CRYL1: variants seen among roughly 807,000 people sequenced by gnomAD.
CRYL1 encodes lambda-crystallin homolog.
CRYL1 carries 29 observed loss-of-function variants against 36.6 expected under a neutral mutation model. The ratio of observed to expected loss-of-function variants is 0.79; its 90% CI spans 0.59 to 1.08. The LOEUF (loss-of-function observed/expected upper bound fraction) is 1.08, where lower values mean the gene tolerates loss of function less well. Ranked by LOEUF, CRYL1 falls within the 50% of genes least tolerant of loss-of-function variation. The pLI is 0.00. For missense variants in CRYL1, 411 were observed against 407.9 expected (o/e 1.01, Z -0.06); for synonymous variants, 152 against 151.5 (o/e 1.00, Z -0.02).
rs937192090 is a variant in CRYL1 at position 20,431,409 on chromosome 13, G to A, written c.633+693C>T. 6.1e-6 allele frequency: 6 copies of A among 985,266 alleles called. No individual in the cohort carries two copies. In the African/African-American group the frequency reaches 1.0e-4, roughly 17 times the overall value. 61.0% of individuals were successfully genotyped at this position (985,266 alleles called of 1,614,324 possible). A position where few individuals can be genotyped will look rare whatever the true frequency, so the allele number is the denominator to read the frequency against. On this transcript the variant is annotated intron_variant, in intron 5 of 7. Transcript: ENST00000298248. The stretch of plus-strand genomic sequence containing the variant: ...TCTTGCCTTCCCCCTGCAGAAGCTG[G>A]GCAAGTGCCATAAGGGAGGCCGGAC...
intron 4 of CRYL1, 123 bp from the exon 5 acceptor site, chr13:20,432,419 C>A: frequency 3.4e-6 from 2 of 589,994 alleles, no homozygotes; most frequent in Non-Finnish European, 2.9e-6. Flanking sequence ...GATTCAGTGG[C>A]CAACAACAAG....
At chr13:20,509,882 A>G (rs2033882719) in intron 2 of CRYL1, among the ~76,000 whole-genome samples, 1 of 152,228 alleles carries the variant, frequency 6.6e-6, no homozygotes, top group African/African-American at 2.4e-5. Flanking sequence ...GTGAGCCGAG[A>G]TCGTGCCATT....
chr13:20,517,434 A>G (rs1021838701), intron 1 of CRYL1, among the ~76,000 whole-genome samples: 2 of 151,878 alleles, frequency 1.3e-5, no homozygotes, highest in African/African-American at 4.8e-5. Context: ...GTCTCTACTG[A>G]AAATACAAAA....
At chr13:20,492,717 C>T (rs2033534500) in intron 2 of CRYL1, among the ~76,000 whole-genome samples, 1 of 152,202 alleles carries the variant, frequency 6.6e-6, no homozygotes, top group Non-Finnish European at 1.5e-5. Flanking sequence ...TCTGCAACGT[C>T]CCATTTGCCA....
At chr13:20,446,198 A>C (rs1391482045) in intron 3 of CRYL1, among the ~76,000 whole-genome samples, 1 of 152,136 alleles carries the variant, frequency 6.6e-6, no homozygotes, top group Non-Finnish European at 1.5e-5. Context: ...AGCAACCTCC[A>C]TCTCCCAGGT....
intron 2 of CRYL1, among the ~76,000 whole-genome samples, chr13:20,492,874 G>T (rs1344279373): frequency 6.6e-6 from 1 of 152,154 alleles, no homozygotes; most frequent in Non-Finnish European, 1.5e-5. Flanking sequence ...TGAATTCTTG[G>T]CTTGGGGGTT....
At chr13:20,456,362 A>G (rs2032681943) in intron 3 of CRYL1, among the ~76,000 whole-genome samples, 2 of 151,476 alleles carry the variant, frequency 1.3e-5, no homozygotes, top group Admixed American at 1.3e-4. Flanking sequence ...AATCCCAGCT[A>G]CTCAAGAGGC....
At chr13:20,478,348 C>T (rs113270527) in intron 3 of CRYL1, among the ~76,000 whole-genome samples, 1,749 of 152,268 alleles carry the variant, frequency 0.011, 25 homozygotes, top group African/African-American at 0.039. Context: ...ACTTTTAAAG[C>T]AGAAGGGACA....
intron 5 of CRYL1, chr13:20,426,666 A>C (rs537555125): frequency 2.0e-6 from 2 of 983,618 alleles, no homozygotes; most frequent in Non-Finnish European, 2.4e-6. Flanking sequence ...ATTCAACAGA[A>C]ACCTTTGAAT....
chr13:20,472,015 C>T (rs567350368), intron 3 of CRYL1, among the ~76,000 whole-genome samples: 30 of 152,214 alleles, frequency 2.0e-4, no homozygotes, highest in African/African-American at 6.7e-4. Context: ...CGCCCACCAA[C>T]ATGCAAGGCT....
At chr13:20,460,564 C>G (rs139582703) in intron 3 of CRYL1, among the ~76,000 whole-genome samples, 1 of 121,928 alleles carries the variant, frequency 8.2e-6, no homozygotes, top group Non-Finnish European at 1.6e-5. Context: ...CTCGCTCTGT[C>G]GCCCAGGCTG....
chr13:20,516,705 C>A (rs183569830), intron 1 of CRYL1, among the ~76,000 whole-genome samples: 19 of 152,238 alleles, frequency 1.2e-4, no homozygotes, highest in Non-Finnish European at 1.9e-4. Context: ...TGGTCTCGAT[C>A]TCCTGACCTT....
chr13:20,489,617 A>C, intron 2 of CRYL1, 121 bp from the exon 3 acceptor site: 1 of 1,208,216 alleles, frequency 8.3e-7, no homozygotes, highest in Non-Finnish European at 1.2e-6. Flanking sequence ...ATACCACCTC[A>C]CACCCATTAG....
In CRYL1 at chr13:20,522,911, C is replaced by CTTTTTTTTTTTT. The variant is rs386378385; in HGVS notation, c.41+2831_41+2842dup. 3.5e-3 allele frequency among the ~76,000 whole-genome samples: 291 copies of CTTTTTTTTTTTT among 82,956 alleles called. 16 individuals are homozygous for CTTTTTTTTTTTT. Among genetic ancestry groups the CTTTTTTTTTTTT allele is most frequent in the Non-Finnish European group, 4.7e-3 (218 of 46,646 alleles). The allele number at this position is 82,956 out of a possible 152,430, so 54.4% of individuals were successfully genotyped here. The stretch of plus-strand genomic sequence containing the variant: ...TTTATCTTCATGATACCCATTTCTA[C>CTTTTTTTTTTTT]TTTTTTTTTTTTTTTTTTTTTTTTG... On this transcript the variant is annotated intron_variant, in intron 1 of 7. Transcript: ENST00000298248.
chr13:20,428,990 G>T (rs2031993876), intron 5 of CRYL1, among the ~76,000 whole-genome samples: 1 of 152,134 alleles, frequency 6.6e-6, no homozygotes, highest in South Asian at 2.1e-4. Flanking sequence ...TGCTTTATGA[G>T]CCCAGAGGAT....
chr13:20,413,329 C>T lies in CRYL1; in HGVS notation c.692G>A (p.Arg231Gln), dbSNP rs779208197. 3.1e-5 allele frequency: 50 copies of T among 1,613,764 alleles called. No homozygotes were observed. The highest frequency in any genetic ancestry group is 5.5e-5 in the South Asian group (5 of 91,036). Residue 231 changes from arginine to glutamine, a missense_variant, in exon 6 of 8, where the codon CGG becomes CAG. By Grantham distance (43) the Arg-to-Gln change is conservative. Coordinates refer to ENST00000298248, the MANE Select transcript of CRYL1 (RefSeq NM_015974.3). ...DLVMSEGLGM[R>Q]YAFIGPLETM... ...TTCCAGGGGTCCAATGAATGCATAC[C>T]GCATGCCCAACCCTTCTGACATGAC...
intron 3 of CRYL1, among the ~76,000 whole-genome samples, chr13:20,472,603 G>C (rs1268623246): frequency 2.6e-5 from 4 of 152,200 alleles, no homozygotes; most frequent in Non-Finnish European, 5.9e-5. Context: ...GGCAAGGCTA[G>C]CTAGAGTCAA....
chr13:20,459,340 A>G (rs1472761010), intron 3 of CRYL1, among the ~76,000 whole-genome samples: 3 of 152,030 alleles, frequency 2.0e-5, no homozygotes, highest in Admixed American at 1.3e-4. Context: ...CAGCAATCCC[A>G]TTACTGGGTA....
chr13:20,461,843 G>C (rs2032825359), intron 3 of CRYL1, among the ~76,000 whole-genome samples: 1 of 151,420 alleles, frequency 6.6e-6, no homozygotes, highest in African/African-American at 2.4e-5. Context: ...GAACTGCAGA[G>C]GTGCCAAGCC....
Sources: gnomAD v4.1 joint callset for allele counts (sites outside exome capture counted in the v4.1 genomes callset) on GRCh38, gnomAD v4.1.1 for gene constraint, MANE v1.5 for transcripts, NCBI Gene and HGNC (gene_info 2026-07-23, HGNC 2026-07-21) for gene names.